The following TSHZ2 variants were observed in gnomAD, a reference collection of about 807,000 sequenced individuals.
TSHZ2 encodes the protein teashirt zinc finger homeobox 2, also known as teashirt homolog 2.
TSHZ2 carries 21 observed loss-of-function variants against 74.4 expected under a neutral mutation model. The observed-to-expected ratio is 0.28, with a 90% confidence interval of 0.20 to 0.41. TSHZ2 has a LOEUF of 0.41. TSHZ2 is among the 10% of genes least tolerant of loss of function. The pLI is 1.00. For missense variants in TSHZ2, 1,244 were observed against 1,293.5 expected (o/e 0.96, Z 0.59); for synonymous variants, 540 against 515.3 (o/e 1.05, Z -0.65).
intron 1 of TSHZ2, among the ~76,000 whole-genome samples, chr20:53,041,413 T>C (rs975265997): frequency 6.6e-6 from 1 of 152,232 alleles, no homozygotes; most frequent in Admixed American, 6.5e-5. Context: ...TGAGTCTCCA[T>C]GCCCAGTCCT....
intron 1 of TSHZ2, among the ~76,000 whole-genome samples, chr20:53,009,841 A>G (rs950711795): frequency 1.3e-5 from 2 of 152,176 alleles, no homozygotes; most frequent in African/African-American, 4.8e-5. Flanking sequence ...AATGCAGTGA[A>G]GGGACTAGAA....
chr20:53,352,777 CA>C (rs869247919), intron 2 of TSHZ2, among the ~76,000 whole-genome samples: 4,104 of 65,604 alleles, frequency 0.063, 175 homozygotes, highest in African/African-American at 0.2. Flanking sequence ...CTGTCTCAAA[CA>C]AAAAAAAAAA....
intron 1 of TSHZ2, among the ~76,000 whole-genome samples, chr20:53,087,068 AAAC>A (rs1985720825): frequency 6.6e-6 from 1 of 152,114 alleles, no homozygotes; most frequent in East Asian, 1.9e-4. Context: ...GGAAGTGAGA[AAAC>A]AAGCCATGTG....
intron 1 of TSHZ2, among the ~76,000 whole-genome samples, chr20:53,149,244 C>A (rs1214934788): frequency 6.6e-6 from 1 of 150,718 alleles, no homozygotes; most frequent in Non-Finnish European, 1.5e-5. Context: ...ACATCCCTGT[C>A]TGTGCTGCTT....
At chr20:53,175,495 A>G (rs915007624) in intron 1 of TSHZ2, among the ~76,000 whole-genome samples, 2 of 152,010 alleles carry the variant, frequency 1.3e-5, no homozygotes, top group African/African-American at 4.8e-5. Flanking sequence ...CTGATGCTCA[A>G]TGGCCAGAAG....
chr20:53,052,778 G>A (rs1984518076), intron 1 of TSHZ2, among the ~76,000 whole-genome samples: 1 of 152,136 alleles, frequency 6.6e-6, no homozygotes, highest in South Asian at 2.1e-4. Context: ...ATATATGGCT[G>A]TACAAATATC....
rs1201264905 is a variant in TSHZ2 at position 53,255,634 on chromosome 20, A to G, written c.2176A>G (p.Ile726Val). The G allele has an allele frequency of 6.3e-7, 1 of 1,576,112 alleles. No homozygotes were observed. Among genetic ancestry groups the G allele is most frequent in the Admixed American group, 1.8e-5 (1 of 54,974 alleles). Residue 726 changes from isoleucine to valine, a missense_variant, in exon 2 of 3, where the codon ATT becomes GTT. By Grantham distance (29) the Ile-to-Val change is conservative. Transcript: ENST00000371497. This position sits in a 1 kb window ranked among gnomAD's most constrained non-coding sequence, Gnocchi z 4.1. ...PSCSSPSSST[I>V]SMFHKSNLNV... ...CTGCTCCAGCCCAAGTTCAAGCACA[A>G]TTTCCATGTTCCACAAGTCGAATCT...
At chr20:53,432,645 G>A (rs901848449) in intron 2 of TSHZ2, among the ~76,000 whole-genome samples, 1 of 152,030 alleles carries the variant, frequency 6.6e-6, no homozygotes, top group African/African-American at 2.4e-5. Flanking sequence ...ATTGTTTTTT[G>A]ACTTCTTAAT....
intron 1 of TSHZ2, among the ~76,000 whole-genome samples, chr20:53,075,571 C>A (rs547420479): frequency 6.6e-6 from 1 of 152,152 alleles, no homozygotes; most frequent in Non-Finnish European, 1.5e-5. Flanking sequence ...GAAGCAAGTG[C>A]AAAAGCCCTA....
chr20:53,304,619 G>A (rs921476113), intron 2 of TSHZ2, among the ~76,000 whole-genome samples: 1 of 143,840 alleles, frequency 7.0e-6, no homozygotes, highest in Admixed American at 6.8e-5. Flanking sequence ...GAAGTTTTTT[G>A]TTTGTTTCCT....
At chr20:52,989,358 G>A (rs941900048) in intron 1 of TSHZ2, among the ~76,000 whole-genome samples, 3 of 152,046 alleles carry the variant, frequency 2.0e-5, no homozygotes, top group Non-Finnish European at 2.9e-5. Context: ...TGATCATCCT[G>A]TTTTATTGTC....
intron 2 of TSHZ2, among the ~76,000 whole-genome samples, chr20:53,294,425 T>C (rs1568856174): frequency 6.6e-6 from 1 of 152,072 alleles, no homozygotes; most frequent in East Asian, 1.9e-4. Context: ...ATTGGAATGA[T>C]TGAGTGAGAT....
At chr20:53,293,033 G>A (rs1600794060) in intron 2 of TSHZ2, among the ~76,000 whole-genome samples, 1 of 152,192 alleles carries the variant, frequency 6.6e-6, no homozygotes, top group Non-Finnish European at 1.5e-5. Flanking sequence ...GAGTTTTGAT[G>A]ATATAAGGGT....
intron 1 of TSHZ2, among the ~76,000 whole-genome samples, chr20:53,106,391 CTTTTTTTTTTTTTTT>C (rs71194458): frequency 7.5e-4 from 44 of 58,980 alleles, no homozygotes; most frequent in Middle Eastern, 0.037. Context: ...CTCACACTTT[CTTTTTTTTTTTTTTT>C]TTTTTTTTTT....
At chr20:53,194,515 T>G (rs965991831) in intron 1 of TSHZ2, among the ~76,000 whole-genome samples, 1 of 152,248 alleles carries the variant, frequency 6.6e-6, no homozygotes, top group African/African-American at 2.4e-5. Context: ...CATCAAGTCC[T>G]GGTTTCACTA....
chr20:53,221,693 C>A (rs968298732), intron 1 of TSHZ2, among the ~76,000 whole-genome samples: 1 of 152,120 alleles, frequency 6.6e-6, no homozygotes, highest in African/African-American at 2.4e-5. Context: ...TAATCACTTG[C>A]TTTTTTTCCC....
At chr20:53,076,264 T>C (rs1823834292) in intron 1 of TSHZ2, among the ~76,000 whole-genome samples, 1 of 152,110 alleles carries the variant, frequency 6.6e-6, no homozygotes, top group South Asian at 2.1e-4. Context: ...GCAGAAAGGA[T>C]GATGGAGACA....
At chr20:53,143,723 ATAATAATTG>A (rs1421713082) in intron 1 of TSHZ2, among the ~76,000 whole-genome samples, 19 of 152,040 alleles carry the variant, frequency 1.2e-4, no homozygotes, top group Middle Eastern at 3.4e-3. Context: ...AATAATAATA[ATAATAATTG>A]TAATAATCTT....
At position 53,489,262 on chromosome 20, in the gene TSHZ2, G is replaced by A. The variant is rs1270219082; in HGVS notation, c.*2127G>A. On this transcript the variant is annotated 3_prime_UTR_variant, in exon 3 of 3. Transcript: ENST00000371497. ...AGGATCATAAAGTGAATTGAGAACA[G>A]TGAGGTCTGTCTTTGCTTAACCTAT... 3.3e-5 allele frequency: 15 copies of A among 447,842 alleles called. No homozygotes were observed. Among genetic ancestry groups the A allele is most frequent in the Non-Finnish European group, 4.0e-5 (9 of 222,366 alleles). The allele number at this position is 447,842 out of a possible 1,614,324, so 27.7% of individuals were successfully genotyped here. A position where few individuals can be genotyped will look rare whatever the true frequency, so the allele number is the denominator to read the frequency against.
Sources: gnomAD v4.1 joint callset for allele counts (sites outside exome capture counted in the v4.1 genomes callset) on GRCh38, gnomAD v4.1.1 for gene constraint, Gnocchi (gnomAD v3.1) non-coding constraint, MANE v1.5 for transcripts, NCBI Gene and HGNC (gene_info 2026-07-23, HGNC 2026-07-21) for gene names.